CD36: variants seen among roughly 807,000 people sequenced by gnomAD.
The protein encoded by CD36 is platelet glycoprotein 4.
A neutral mutation model predicts 55.2 loss-of-function variants in CD36; 119 were observed. The observed-to-expected ratio is 2.15, with a 90% CI of 1.86 to 2.51. The LOEUF (loss-of-function observed/expected upper bound fraction) is 2.51, where lower values mean the gene tolerates loss of function less well. CD36 is among the 30% of genes most tolerant of loss of function. CD36 has a pLI of 0.00. For missense variants in CD36, 819 were observed against 555.5 expected, an observed-to-expected ratio of 1.47 and a Z score of -4.77; for synonymous variants, 186 against 193.6, an observed-to-expected ratio of 0.96 and a Z score of 0.33.
chr7:80,661,180 C>T lies in CD36; in HGVS notation c.399C>T (p.Asp133=). Residue 133 remains aspartate, a synonymous_variant, in exon 5 of 15, where the codon GAC becomes GAT. Coordinates refer to ENST00000447544, the MANE Select transcript of CD36 (RefSeq NM_001001548.3). The part of the protein sequence containing the change: ...EPSLSVGTEA[D]NFTVLNLAVA... ...CACTATCAGTTGGAACAGAGGCTGA[C>T]AACTTCACAGTTCTCAATCTGGCTG... 1 of 1,613,994 alleles carries T rather than the reference C, an allele frequency of 6.2e-7. No homozygotes were observed. Among genetic ancestry groups the T allele is most frequent in the Non-Finnish European group, 8.5e-7 (1 of 1,179,892 alleles).
Position 80,669,997 on chromosome 7 carries a change from C to CAG in CD36, c.794_795dup (p.Phe266SerfsTer21). On this transcript the variant is annotated frameshift_variant, in exon 9 of 15. Transcript: ENST00000447544. LOFTEE classifies it high-confidence loss of function. ...TTTTGTTGAGAAAAGCCAGGTATTGCAGTTCTTTTCTTCTGATATTTGCAG... is the reference window on the plus strand; with the variant it reads ...TTTTGTTGAGAAAAGCCAGGTATTGCAGAGTTCTTTTCTTCTGATATTTGCAG... 6 of 1,610,592 alleles carry CAG rather than the reference C, an allele frequency of 3.7e-6. No individual in the cohort carries two copies. The highest frequency in any genetic ancestry group is 5.1e-6 in the Non-Finnish European group (6 of 1,177,128).
At position 80,661,163 on chromosome 7, in the gene CD36, G is replaced by T. The variant is rs1410938774; in HGVS notation, c.382G>T (p.Val128Phe). 1.2e-6 allele frequency: 2 copies of T among 1,614,024 alleles called. No homozygotes were observed. The highest frequency in any genetic ancestry group is 1.7e-6 in the Non-Finnish European group (2 of 1,179,932). ...TGCCATCTTCGAACCTTCACTATCA[G>T]TTGGAACAGAGGCTGACAACTTCAC... ...NGAIFEPSLS[V>F]GTEADNFTVL... The change falls in exon 5 of 15, where the codon GTT (valine) becomes TTT (phenylalanine). Residue 128 changes from valine to phenylalanine, a missense_variant. Physicochemically the swap from Val to Phe is conservative, Grantham distance 50. Transcript: ENST00000447544.
At chr7:80,634,927 A>G (rs962593018), upstream of CD36, among the ~76,000 whole-genome samples, 2 of 152,146 alleles carry the variant, frequency 1.3e-5, no homozygotes, top group African/African-American at 4.8e-5. Flanking sequence ...ATACAAACAG[A>G]AAAGTAAAAA....
At position 80,664,455 on chromosome 7, in the gene CD36, A is replaced by G; in HGVS notation, c.659A>G (p.Asn220Ser). The change falls in exon 7 of 15, where the codon AAC becomes AGC. Residue 220 changes from asparagine to serine, a missense_variant. Coordinates refer to ENST00000447544, the MANE Select transcript of CD36 (RefSeq NM_001001548.3). ...GVYKVFNGKD[N>S]ISKVAIIDTY... ...TATAAAGTTTTCAATGGAAAAGATA[A>G]CATAAGTAAAGTTGCCATAATCGAC... The G allele has an allele frequency of 3.8e-6, 6 of 1,582,934 alleles. No individual in the cohort carries two copies. Among genetic ancestry groups the G allele is most frequent in the Non-Finnish European group, 5.2e-6 (6 of 1,151,974 alleles).
At chr7:80,615,216 C>G (rs1793081143) in intron 1 of CD36, among the ~76,000 whole-genome samples, 1 of 152,156 alleles carries the variant, frequency 6.6e-6, no homozygotes, top group Non-Finnish European at 1.5e-5. Flanking sequence ...AGCTGAATTT[C>G]TCAACCCAAT....
chr7:80,620,896 G>A (rs1435059137), intron 1 of CD36, among the ~76,000 whole-genome samples: 1 of 152,242 alleles, frequency 6.6e-6, no homozygotes, highest in African/African-American at 2.4e-5. Flanking sequence ...GTTGGTTGAT[G>A]AAGCAGTGGC....
In CD36 at chr7:80,677,318, G is replaced by T. The variant is rs558306604; in HGVS notation, c.*935G>T. 1.3e-5 allele frequency: 2 copies of T among 152,148 alleles called. No homozygotes were observed. Among genetic ancestry groups the T allele is most frequent in the Non-Finnish European group, 2.9e-5 (2 of 68,040 alleles). 9.4% of individuals were successfully genotyped at this position (152,148 alleles called of 1,614,324 possible). ...GGGTTCACTTATTCTGAGAGCATTA[G>T]TTCTCCTAAAAAGCTCCAGCATAGA... is the stretch of plus-strand genomic sequence containing the variant. On this transcript the variant is annotated 3_prime_UTR_variant, in exon 15 of 15. Transcript: ENST00000447544.
At chr7:80,655,920 CAAAAA>C (rs111330088) in intron 3 of CD36, among the ~76,000 whole-genome samples, 1 of 95,450 alleles carries the variant, frequency 1.0e-5, no homozygotes, top group Non-Finnish European at 2.2e-5. Flanking sequence ...TATCTTGTCT[CAAAAA>C]AAAAAAAAAG....
intron 3 of CD36, among the ~76,000 whole-genome samples, chr7:80,653,348 T>G (rs1199621832): frequency 6.6e-6 from 1 of 152,218 alleles, no homozygotes; most frequent in East Asian, 1.9e-4. Flanking sequence ...TTGTCAGTTA[T>G]GTAGATGATT....
chr7:80,661,099 C>G lies in CD36; in HGVS notation c.318C>G (p.Asp106Glu). Reference sequence around the variant, plus strand: ...TAGCCAAGGAAAATGTAACCCAGGACGCTGAGGACAACACAGTCTCTTTCC... The same window carrying G: ...TAGCCAAGGAAAATGTAACCCAGGAGGCTGAGGACAACACAGTCTCTTTCC... ...RFLAKENVTQ[D>E]AEDNTVSFLQ... The change falls in exon 5 of 15, where the codon GAC becomes GAG. Residue 106 changes from aspartate (D) to glutamate (E), a missense_variant. By Grantham distance (45) the Asp-to-Glu change is conservative. Transcript: ENST00000447544. 2 of 1,613,810 alleles carry G rather than the reference C, an allele frequency of 1.2e-6. No individual in the cohort carries two copies. The highest frequency in any genetic ancestry group is 8.5e-7 in the Non-Finnish European group (1 of 1,179,704).
chr7:80,622,655 AAG>A, intron 1 of CD36, among the ~76,000 whole-genome samples: 1 of 152,326 alleles, frequency 6.6e-6, no homozygotes, highest in East Asian at 1.9e-4. Context: ...TAAGAAAGGA[AAG>A]AGAAGAAATG....
chr7:80,619,985 A>C (rs547321520), intron 1 of CD36, among the ~76,000 whole-genome samples: 9 of 152,240 alleles, frequency 5.9e-5, no homozygotes, highest in Non-Finnish European at 1.2e-4. Context: ...GTGAAGGAGA[A>C]GTAGCTTTTC....
chr7:80,619,260 A>G (rs1793326169), intron 1 of CD36, among the ~76,000 whole-genome samples: 2 of 152,196 alleles, frequency 1.3e-5, no homozygotes, highest in South Asian at 4.1e-4. Context: ...TCAAAATACA[A>G]CTGATGATTA....
At chr7:80,631,232 A>G (rs1473857033) in intron 1 of CD36, among the ~76,000 whole-genome samples, 6 of 152,050 alleles carry the variant, frequency 3.9e-5, no homozygotes, top group Admixed American at 6.6e-5. Flanking sequence ...TGGGATGATC[A>G]CAGTAAATAT....
chr7:80,635,338 A>G (rs190331040), upstream of CD36, among the ~76,000 whole-genome samples: 2 of 152,170 alleles, frequency 1.3e-5, no homozygotes, highest in African/African-American at 4.8e-5. Context: ...TAGTGGCACA[A>G]TCTTAGCTCA....
At chr7:80,618,769 A>G (rs1793305487) in intron 1 of CD36, among the ~76,000 whole-genome samples, 1 of 152,222 alleles carries the variant, frequency 6.6e-6, no homozygotes, top group African/African-American at 2.4e-5. Flanking sequence ...TGAAGCTCAC[A>G]GAGGTTGATT....
chr7:80,617,154 T>G (rs568551836), intron 1 of CD36, among the ~76,000 whole-genome samples: 1 of 152,038 alleles, frequency 6.6e-6, no homozygotes, highest in East Asian at 1.9e-4. Context: ...CTATTCTAAT[T>G]TACATGAGTT....
At chr7:80,633,982 G>C (rs548626634), upstream of CD36, among the ~76,000 whole-genome samples, 4 of 152,020 alleles carry the variant, frequency 2.6e-5, 1 homozygote, top group South Asian at 8.3e-4. Flanking sequence ...TGTAATATCA[G>C]GTTAAAATTA....
At position 80,661,089 on chromosome 7, in the gene CD36, T is replaced by G. The variant is rs143878695; in HGVS notation, c.308T>G (p.Val103Gly). 1.9e-5 allele frequency: 30 copies of G among 1,613,920 alleles called. No individual in the cohort carries two copies. The African/African-American group carries it at 2.4e-4, about 13-fold the overall frequency. The change falls in exon 5 of 15, where the codon GTA becomes GGA. Residue 103 changes from valine to glycine, a missense_variant. Val to Gly is a moderately radical substitution (Grantham distance 109, BLOSUM62 -3). Transcript: ENST00000447544. ...YRVRFLAKEN[V>G]TQDAEDNTVS... ...GTTCGTTTTCTAGCCAAGGAAAATG[T>G]AACCCAGGACGCTGAGGACAACACA...
Sources: gnomAD v4.1 joint callset for allele counts (sites outside exome capture counted in the v4.1 genomes callset) on GRCh38, gnomAD v4.1.1 for gene constraint, MANE v1.5 for transcripts, NCBI Gene and HGNC (gene_info 2026-07-23, HGNC 2026-07-21) for gene names.